Variants in TLN2 observed in about 807,000 individuals in gnomAD.
TLN2 encodes the protein talin-2.
In TLN2, 118 loss-of-function variants were observed where a neutral mutation model predicts 294.7. The ratio of observed to expected loss-of-function variants is 0.40; its 90% CI spans 0.34 to 0.47. TLN2 has a LOEUF of 0.47. Ranked by LOEUF, TLN2 falls within the 20% of genes least tolerant of loss-of-function variation. The probability of loss-of-function intolerance (pLI) is 0.84; values close to 1 mark genes in which losing one functional copy is unlikely to be tolerated. For synonymous variants in TLN2, 1,431 were observed against 1,304.5 expected (o/e 1.10, Z -2.09); for missense variants, 3,083 against 3,282.2 (o/e 0.94, Z 1.48).
At chr15:62,575,993 G>C (rs2044362073) in intron 1 of TLN2, among the ~76,000 whole-genome samples, 2 of 152,154 alleles carry the variant, frequency 1.3e-5, no homozygotes, top group South Asian at 4.1e-4. Context: ...AATAGGAATT[G>C]GGAACTGCTT....
rs138780854 is a variant in TLN2 at position 62,719,877 on chromosome 15, C to G, written c.2988C>G (p.Leu996=). The G allele has an allele frequency of 6.2e-7, 1 of 1,607,520 alleles. No individual in the cohort carries two copies. Among genetic ancestry groups the G allele is most frequent in the Admixed American group, 1.7e-5 (1 of 59,588 alleles). Residue 996 remains leucine, a synonymous_variant, in exon 25 of 59, where the codon CTC becomes CTG. Transcript: ENST00000636159. ...LALIISSQNF[L]QPGSKMVSSA... ...TCATCATCTCCAGCCAGAACTTCCT[C>G]CAGGTAACAGGGCTGTGGTCACCTT...
chr15:62,594,988 A>G (rs776658920), intron 2 of TLN2, among the ~76,000 whole-genome samples: 1 of 152,254 alleles, frequency 6.6e-6, no homozygotes, highest in African/African-American at 2.4e-5. Context: ...AAGAATCTGA[A>G]TAGACATTTC....
Position 62,686,691 on chromosome 15 carries a change from C to G in TLN2, c.1008C>G (p.Thr336=), listed in dbSNP as rs768210728. 6.2e-7 allele frequency: 1 copy of G among 1,614,014 alleles called. No homozygotes were observed. The highest frequency in any genetic ancestry group is 1.1e-5 in the South Asian group (1 of 91,056). The change falls in exon 12 of 59, where the codon ACC becomes ACG. Residue 336 remains threonine, a synonymous_variant. Transcript: ENST00000636159. ...TGGTGCCTCGCCTGCTGGGGATCAC[C>G]AAAGACTCGGTGATGCGCGTGGATG... ...NKLVPRLLGI[T]KDSVMRVDEK...
intron 42 of TLN2, 64 bp from the exon 43 acceptor site, chr15:62,776,700 A>T: frequency 7.5e-7 from 1 of 1,335,648 alleles, no homozygotes; most frequent in Non-Finnish European, 9.7e-7. Flanking sequence ...TTTGAAGGTT[A>T]TTCTTAGAAG....
At chr15:62,579,728 C>CA (rs1299944221) in intron 1 of TLN2, among the ~76,000 whole-genome samples, 1 of 152,140 alleles carries the variant, frequency 6.6e-6, no homozygotes, top group Non-Finnish European at 1.5e-5. Flanking sequence ...TTTCCACTGG[C>CA]AAGGAAACTC....
At chr15:62,804,197 C>T (rs2066120538) in intron 50 of TLN2, among the ~76,000 whole-genome samples, 1 of 152,218 alleles carries the variant, frequency 6.6e-6, no homozygotes, top group African/African-American at 2.4e-5. Flanking sequence ...TAGCTTCTGA[C>T]ATGCATAGGC....
At chr15:62,618,526 T>G (rs2048498899) in intron 3 of TLN2, 51 bp downstream of exon 3, 1 of 152,172 alleles carries the variant, frequency 6.6e-6, no homozygotes, top group African/African-American at 2.4e-5. Context: ...GGGGAGGTGA[T>G]CATGACACAC....
intron 28 of TLN2, among the ~76,000 whole-genome samples, chr15:62,734,447 T>G (rs1433766696): frequency 6.6e-6 from 1 of 152,148 alleles, no homozygotes; most frequent in Non-Finnish European, 1.5e-5. Flanking sequence ...ACCACACAAC[T>G]AATCAGCAGC....
At chr15:62,593,006 T>G (rs2046204108) in intron 2 of TLN2, among the ~76,000 whole-genome samples, 1 of 152,248 alleles carries the variant, frequency 6.6e-6, no homozygotes, top group Non-Finnish European at 1.5e-5. Flanking sequence ...AAATCTATTT[T>G]CAATGAAAAA....
intron 1 of TLN2, among the ~76,000 whole-genome samples, chr15:62,548,918 A>G (rs2042138080): frequency 6.6e-6 from 1 of 152,162 alleles, no homozygotes; most frequent in Non-Finnish European, 1.5e-5. Context: ...GGAATCCAAG[A>G]CTTTATTCTA....
intron 53 of TLN2, 32 bp downstream of exon 53, chr15:62,819,653 C>T (rs745998765): frequency 3.2e-6 from 5 of 1,571,850 alleles, no homozygotes; most frequent in Non-Finnish European, 4.3e-6. Context: ...TGGTGGAGGG[C>T]AACCCTCCCA....
chr15:62,549,480 G>GCATCAATCCATCCATC (rs2042174198), intron 1 of TLN2, among the ~76,000 whole-genome samples: 1 of 147,756 alleles, frequency 6.8e-6, no homozygotes, highest in Admixed American at 6.8e-5. Flanking sequence ...TGCATGCCAT[G>GCATCAATCCATCCATC]CATCCATCCA....
At chr15:62,494,804 A>G (rs889511684) in intron 1 of TLN2, among the ~76,000 whole-genome samples, 1 of 152,086 alleles carries the variant, frequency 6.6e-6, no homozygotes, top group Non-Finnish European at 1.5e-5. Flanking sequence ...CGGTGCTGGA[A>G]AGTGGTTAGG....
intron 1 of TLN2, among the ~76,000 whole-genome samples, chr15:62,582,192 G>GCACA (rs1567138203): frequency 2.6e-5 from 1 of 38,640 alleles, no homozygotes; most frequent in East Asian, 1.3e-3. Flanking sequence ...GCATGTGTAT[G>GCACA]CATACACACA....
rs1315841770 is a variant in TLN2 at position 62,740,735 on chromosome 15, C to T, written c.3991C>T (p.Pro1331Ser). The change falls in exon 32 of 59, where the codon CCC becomes TCC. Residue 1331 changes from proline (P) to serine (S), a missense_variant. By Grantham distance (74) the Pro-to-Ser change is moderately conservative. Coordinates refer to ENST00000636159, the MANE Select transcript of TLN2 (RefSeq NM_015059.3). ...AKSLSVDPGA[P>S]NAKNLLAAAA... is the part of the protein sequence containing the mutation. The stretch of plus-strand genomic sequence containing the variant: ...GTCTCTCTCTGTAGATCCAGGAGCT[C>T]CCAATGCGAAAAATCTCCTGGCTGC... 6.2e-7 allele frequency: 1 copy of T among 1,614,184 alleles called. No homozygotes were observed.
At chr15:62,833,425 A>G in intron 54 of TLN2, 79 bp from the exon 55 acceptor site, 2 of 1,561,030 alleles carry the variant, frequency 1.3e-6, no homozygotes, top group Non-Finnish European at 1.7e-6. Flanking sequence ...GAGCCAGGTG[A>G]CCCGGCAGTA....
In TLN2 at chr15:62,649,212, T is replaced by A. The variant is rs548804022; in HGVS notation, c.137-872T>A. 1.9e-4 allele frequency among the ~76,000 whole-genome samples: 29 copies of A among 152,298 alleles called. 1 individual carries two copies. The highest frequency in any genetic ancestry group is 7.0e-4 in the African/African-American group (29 of 41,560). On this transcript the variant is annotated intron_variant, in intron 4 of 58. Coordinates refer to ENST00000636159, the MANE Select transcript of TLN2 (RefSeq NM_015059.3). Reference sequence around the variant, plus strand: ...TCAGAAATAAGGTTTGCTACATCCCTAACTTTACTATTTGGTTGTCCAGTC... The same window carrying A: ...TCAGAAATAAGGTTTGCTACATCCCAAACTTTACTATTTGGTTGTCCAGTC...
At chr15:62,578,884 G>A (rs2044672085) in intron 1 of TLN2, among the ~76,000 whole-genome samples, 1 of 152,174 alleles carries the variant, frequency 6.6e-6, no homozygotes, top group Non-Finnish European at 1.5e-5. Flanking sequence ...GCTTGGTGCT[G>A]GGTGCTTGAA....
intron 1 of TLN2, among the ~76,000 whole-genome samples, chr15:62,562,965 CA>C (rs2043099775): frequency 7.4e-6 from 1 of 134,794 alleles, no homozygotes; most frequent in African/African-American, 2.8e-5. Context: ...CACACACACA[CA>C]CACACCAGTT....
Sources: allele counts gnomAD v4.1 joint callset (sites outside exome capture counted in the v4.1 genomes callset), GRCh38; gene constraint gnomAD v4.1.1; transcripts MANE v1.5; gene names NCBI Gene and HGNC (gene_info 2026-07-23, HGNC 2026-07-21).